Variants in NKAIN2 observed in about 807,000 individuals in gnomAD.
NKAIN2 encodes the protein sodium/potassium-transporting ATPase subunit beta-1-interacting protein 2.
Under a neutral mutation model 32.6 loss-of-function variants are expected in NKAIN2, and 14 were observed. The ratio of observed to expected loss-of-function variants is 0.43; its 90% CI spans 0.28 to 0.67. The LOEUF (loss-of-function observed/expected upper bound fraction) is 0.67, where lower values mean the gene tolerates loss of function less well. NKAIN2 is among the 30% of genes least tolerant of loss of function. The pLI is 0.17. For missense variants in NKAIN2, 198 were observed against 258.3 expected (o/e 0.77, Z 1.60); for synonymous variants, 80 against 87.2 (o/e 0.92, Z 0.46).
At chr6:124,250,561 A>C (rs538207792) in intron 1 of NKAIN2, among the ~76,000 whole-genome samples, 1 of 152,214 alleles carries the variant, frequency 6.6e-6, no homozygotes, top group Admixed American at 6.6e-5. Flanking sequence ...ATCTACTAAA[A>C]GATAACAATT....
chr6:124,182,260 CAT>C (rs1446069416), intron 1 of NKAIN2, among the ~76,000 whole-genome samples: 4 of 152,232 alleles, frequency 2.6e-5, no homozygotes, highest in South Asian at 4.2e-4. Context: ...TCTCCCATGA[CAT>C]GTGGGAATTA....
At chr6:124,181,545 T>C (rs778645459) in intron 1 of NKAIN2, among the ~76,000 whole-genome samples, 1 of 152,144 alleles carries the variant, frequency 6.6e-6, no homozygotes, top group Non-Finnish European at 1.5e-5. Flanking sequence ...TCTCTGTGAA[T>C]AAATAAAATG....
At chr6:124,080,013 G>C (rs1783883381) in intron 1 of NKAIN2, among the ~76,000 whole-genome samples, 1 of 151,970 alleles carries the variant, frequency 6.6e-6, no homozygotes, top group African/African-American at 2.4e-5. Flanking sequence ...TGTAGACCTA[G>C]ATGGGAAAGG....
At chr6:124,240,894 T>A (rs546220213) in intron 1 of NKAIN2, among the ~76,000 whole-genome samples, 1 of 151,916 alleles carries the variant, frequency 6.6e-6, no homozygotes, top group African/African-American at 2.4e-5. Flanking sequence ...CTGGCTGGGG[T>A]AATCAGGCAA....
intron 3 of NKAIN2, among the ~76,000 whole-genome samples, chr6:124,535,395 C>A (rs2114831597): frequency 6.6e-6 from 1 of 152,292 alleles, no homozygotes; most frequent in East Asian, 1.9e-4. Flanking sequence ...TGTAGTCTGG[C>A]ACTCAAATCA....
At chr6:123,838,913 C>T (rs1367018602) in intron 1 of NKAIN2, among the ~76,000 whole-genome samples, 1 of 152,204 alleles carries the variant, frequency 6.6e-6, no homozygotes, top group Non-Finnish European at 1.5e-5. Context: ...CTTAAGGATG[C>T]TGCTAGCAAT....
intron 2 of NKAIN2, among the ~76,000 whole-genome samples, chr6:124,319,065 T>C (rs981712025): frequency 6.6e-6 from 1 of 152,116 alleles, no homozygotes; most frequent in Admixed American, 6.6e-5. Flanking sequence ...TTTAGGCCTA[T>C]GTGCCCCACT....
intron 1 of NKAIN2, among the ~76,000 whole-genome samples, chr6:123,951,522 C>T (rs758805975): frequency 1.1e-4 from 17 of 151,982 alleles, no homozygotes; most frequent in South Asian, 2.1e-4. Context: ...CCCTCTTTTT[C>T]GCTTTTTACC....
intron 1 of NKAIN2, among the ~76,000 whole-genome samples, chr6:124,128,008 T>A (rs1314777296): frequency 6.6e-6 from 1 of 152,114 alleles, no homozygotes; most frequent in East Asian, 1.9e-4. Flanking sequence ...TTTGTATTTT[T>A]TGTAGAGATG....
chr6:124,514,832 A>G (rs930392227), intron 3 of NKAIN2, among the ~76,000 whole-genome samples: 8 of 151,610 alleles, frequency 5.3e-5, no homozygotes, highest in African/African-American at 1.7e-4. Flanking sequence ...AGTCAGTTTT[A>G]TAAGCTACCC....
At chr6:124,277,079 G>A (rs1795069052) in intron 1 of NKAIN2, among the ~76,000 whole-genome samples, 1 of 152,124 alleles carries the variant, frequency 6.6e-6, no homozygotes, top group African/African-American at 2.4e-5. Flanking sequence ...GTTTCCTGCT[G>A]AAGGAACAAA....
chr6:124,051,273 G>C (rs760064148), intron 1 of NKAIN2, among the ~76,000 whole-genome samples: 15 of 151,896 alleles, frequency 9.9e-5, no homozygotes, highest in Non-Finnish European at 2.2e-4. Context: ...AGAGCTTTTT[G>C]GAGAAAGGGA....
In NKAIN2 at chr6:124,734,425, A is replaced by G. The variant is rs143497766; in HGVS notation, c.475-56914A>G. Among the ~76,000 whole-genome samples, 331 of 151,378 alleles carry G rather than the reference A, an allele frequency of 2.2e-3. 3 individuals are homozygous for G. Among genetic ancestry groups the G allele is most frequent in the African/African-American group, 7.6e-3 (313 of 41,340 alleles). ...CATCTTTTTAAGTGTAGTTCTCACC[A>G]TGTTTCTCCTTTGCTTAAAATCTTT... On this transcript the variant is annotated intron_variant, in intron 4 of 6. Transcript: ENST00000368417.
At chr6:124,402,165 C>A (rs1773653070) in intron 3 of NKAIN2, among the ~76,000 whole-genome samples, 1 of 152,132 alleles carries the variant, frequency 6.6e-6, no homozygotes, top group Non-Finnish European at 1.5e-5. Flanking sequence ...GCCCCCACCC[C>A]ACCAAGACTT....
At chr6:123,894,989 G>A (rs968088003) in intron 1 of NKAIN2, among the ~76,000 whole-genome samples, 34 of 151,880 alleles carry the variant, frequency 2.2e-4, no homozygotes, top group Admixed American at 1.8e-3. Context: ...GATCTATAGC[G>A]CCCTAGAGGC....
At position 123,964,729 on chromosome 6, in the gene NKAIN2, G is replaced by A. The variant is rs1777998734; in HGVS notation, c.54+160475G>A. ...CTATCTAGTCTTCCTAACCCCATCTGGAAGCTCAGCTCCACTCCTGTTCCT... is the reference window on the plus strand; with the variant it reads ...CTATCTAGTCTTCCTAACCCCATCTAGAAGCTCAGCTCCACTCCTGTTCCT... On this transcript the variant is annotated intron_variant, in intron 1 of 6. Transcript: ENST00000368417. The surrounding 1 kb of genome is among the most constrained non-coding windows in gnomAD (Gnocchi z 4.0). 6.6e-6 allele frequency among the ~76,000 whole-genome samples: 1 copy of A among 152,066 alleles called. No individual in the cohort carries two copies. The highest frequency in any genetic ancestry group is 1.5e-5 in the Non-Finnish European group (1 of 68,004).
At chr6:124,750,495 AGATGGATGGATGGATGGATG>A (rs56937918) in intron 4 of NKAIN2, among the ~76,000 whole-genome samples, 2 of 149,542 alleles carry the variant, frequency 1.3e-5, no homozygotes, top group African/African-American at 4.9e-5. Flanking sequence ...CTGGAGGAAG[AGATGGATGGATGGATGGATG>A]GATGGATGGA....
chr6:124,344,128 G>C (rs1562501650), intron 2 of NKAIN2, among the ~76,000 whole-genome samples: 1 of 152,216 alleles, frequency 6.6e-6, no homozygotes, highest in East Asian at 1.9e-4. Context: ...GTTTGTCAAA[G>C]ATCAGATAGT....
At chr6:124,798,051 CTTATCTATCTA>C (rs1202832759) in intron 5 of NKAIN2, among the ~76,000 whole-genome samples, 1 of 150,634 alleles carries the variant, frequency 6.6e-6, no homozygotes, top group Non-Finnish European at 1.5e-5. Flanking sequence ...TTCCTTTCTT[CTTATCTATCTA>C]TTATCTATCT....
Sources: allele counts gnomAD v4.1 joint callset (sites outside exome capture counted in the v4.1 genomes callset), GRCh38; gene constraint gnomAD v4.1.1; non-coding constraint Gnocchi (gnomAD v3.1); transcripts MANE v1.5; gene names NCBI Gene and HGNC (gene_info 2026-07-23, HGNC 2026-07-21).